IL10RB: variants seen among roughly 807,000 people sequenced by gnomAD.
IL10RB encodes interleukin-10 receptor subunit beta.
In IL10RB, 30 loss-of-function variants were observed where a neutral mutation model predicts 38.7. That is an observed-to-expected ratio of 0.78 (90% CI 0.58 to 1.05). The LOEUF is 1.05. IL10RB is among the 50% of genes least tolerant of loss of function. The probability of loss-of-function intolerance (pLI) is 0.00; values close to 1 mark genes in which losing one functional copy is unlikely to be tolerated. For missense variants in IL10RB, 328 were observed against 397.1 expected (o/e 0.83, Z 1.48); for synonymous variants, 142 against 145.9 (o/e 0.97, Z 0.19).
At chr21:33,284,232 G>T (rs1223404653) in intron 5 of IL10RB, among the ~76,000 whole-genome samples, 2 of 150,966 alleles carry the variant, frequency 1.3e-5, no homozygotes, top group East Asian at 3.9e-4. Flanking sequence ...GGAGGCAGAG[G>T]CTGCAGTGAG....
rs142960564 is a variant in IL10RB, at chr21:33,288,383, A to G, written c.804+122A>G. On this transcript the variant is annotated intron_variant, in intron 6 of 6. Coordinates refer to ENST00000290200, the MANE Select transcript of IL10RB (RefSeq NM_000628.5). Reference sequence around the variant, plus strand: ...CAGGAAAACACACACGCGCGCGCGCACACACACACACACACACACACAGAC... The same window carrying G: ...CAGGAAAACACACACGCGCGCGCGCGCACACACACACACACACACACAGAC... 2,675 of 327,458 alleles carry G rather than the reference A, an allele frequency of 8.2e-3. 4 individuals carry two copies. Among genetic ancestry groups the G allele is most frequent in the Non-Finnish European group, 9.7e-3 (1,701 of 175,988 alleles). The allele number at this position is 327,458 out of a possible 1,614,324, so 20.3% of individuals were successfully genotyped here. A position where few individuals can be genotyped will look rare whatever the true frequency, so the allele number is the denominator to read the frequency against.
chr21:33,280,921 G>A (rs1225649394), intron 4 of IL10RB, among the ~76,000 whole-genome samples: 1 of 152,106 alleles, frequency 6.6e-6, no homozygotes, highest in Non-Finnish European at 1.5e-5. Flanking sequence ...CAGTGTCTTA[G>A]TCCTTTCCTG....
intron 1 of IL10RB, among the ~76,000 whole-genome samples, chr21:33,307,228 G>T (rs2083001022): frequency 6.6e-6 from 1 of 152,172 alleles, no homozygotes; most frequent in Non-Finnish European, 1.5e-5. Context: ...AAGTCCTCCT[G>T]ATTCCTACTT....
At chr21:33,295,357 GAAA>G (rs59137986) in intron 6 of IL10RB, among the ~76,000 whole-genome samples, 6 of 55,868 alleles carry the variant, frequency 1.1e-4, no homozygotes, top group Admixed American at 2.3e-4. Flanking sequence ...GACTCCGTCT[GAAA>G]AAAAAAAAAA....
chr21:33,307,934 A>G (rs2083002753), intron 1 of IL10RB, among the ~76,000 whole-genome samples: 1 of 152,220 alleles, frequency 6.6e-6, no homozygotes, highest in Non-Finnish European at 1.5e-5. Flanking sequence ...CCCTTAGAAC[A>G]GTGCTTGGTG....
At chr21:33,267,510 G>GTTTTTT (rs1292416988) in intron 1 of IL10RB, among the ~76,000 whole-genome samples, 3 of 73,996 alleles carry the variant, frequency 4.1e-5, no homozygotes, top group African/African-American at 4.5e-5. Flanking sequence ...TTGTTTTTTT[G>GTTTTTT]TTTTTTTGTT....
chr21:33,266,920 G>T (rs1024151086), intron 1 of IL10RB, among the ~76,000 whole-genome samples: 4 of 152,030 alleles, frequency 2.6e-5, no homozygotes, highest in African/African-American at 9.7e-5. Flanking sequence ...GTCCCCGAGT[G>T]CCCTGACAGC....
At chr21:33,303,065 A>G (rs73900312) in intron 1 of IL10RB, among the ~76,000 whole-genome samples, 12,634 of 152,174 alleles carry the variant, frequency 0.083, 707 homozygotes, top group African/African-American at 0.15. Context: ...GGCCTTCTTC[A>G]GGCACCTCAA....
At chr21:33,283,842 T>G (rs1050594298) in intron 5 of IL10RB, among the ~76,000 whole-genome samples, 4 of 152,210 alleles carry the variant, frequency 2.6e-5, no homozygotes, top group African/African-American at 9.7e-5. Context: ...CATATTTATG[T>G]GCAGACACAT....
downstream of IL10RB, among the ~76,000 whole-genome samples, chr21:33,300,906 A>C (rs11088249): frequency 6.6e-6 from 1 of 152,020 alleles, no homozygotes; most frequent in African/African-American, 2.4e-5. Flanking sequence ...CTGTTGTTTT[A>C]AACCACCCAG....
chr21:33,283,139 G>A lies in IL10RB; in HGVS notation c.544G>A (p.Glu182Lys). Residue 182 changes from glutamate to lysine, a missense_variant, in exon 5 of 7, where the codon GAG becomes AAG. Physicochemically the swap from Glu to Lys is moderately conservative, Grantham distance 56 (BLOSUM62 1). Coordinates refer to ENST00000290200, the MANE Select transcript of IL10RB (RefSeq NM_000628.5). ...TGACTTTGAGGTCCTCAGAAACCTG[G>A]AGCCATGGACAACTTATTGTGTTCA... is the stretch of plus-strand genomic sequence containing the variant. ...QYDFEVLRNL[E>K]PWTTYCVQVR... is the part of the protein sequence containing the mutation. 6.2e-7 allele frequency: 1 copy of A among 1,613,772 alleles called. No homozygotes were observed. Among genetic ancestry groups the A allele is most frequent in the Non-Finnish European group, 8.5e-7 (1 of 1,179,702 alleles).
At chr21:33,267,656 C>T (rs909055362) in intron 1 of IL10RB, among the ~76,000 whole-genome samples, 2 of 151,842 alleles carry the variant, frequency 1.3e-5, no homozygotes, top group African/African-American at 4.8e-5. Context: ...GCTGGAATTA[C>T]AGGTGTGTGC....
At chr21:33,274,312 A>C (rs1447121604) in intron 2 of IL10RB, among the ~76,000 whole-genome samples, 1 of 151,848 alleles carries the variant, frequency 6.6e-6, no homozygotes, top group Non-Finnish European at 1.5e-5. Flanking sequence ...CAGCTTCCCA[A>C]GTAGTGACAC....
At chr21:33,266,613 A>G in intron 1 of IL10RB, 99 bp downstream of exon 1, 3 of 1,227,250 alleles carry the variant, frequency 2.4e-6, no homozygotes, top group Non-Finnish European at 3.4e-6. Flanking sequence ...GTGACTTAAG[A>G]GCCTTCGGGG....
downstream of IL10RB, among the ~76,000 whole-genome samples, chr21:33,301,218 T>A (rs896211182): frequency 2.0e-5 from 3 of 152,140 alleles, no homozygotes; most frequent in Admixed American, 6.5e-5. Context: ...CAAAGTCTAT[T>A]TTATGAACTA....
chr21:33,297,842 GAAAAAAAAGAA>G (rs1568913802), downstream of IL10RB, among the ~76,000 whole-genome samples: 1 of 147,290 alleles, frequency 6.8e-6, no homozygotes, highest in Non-Finnish European at 1.5e-5. Context: ...AGAAAGGAAA[GAAAAAAAAGAA>G]AAGAAAGAGA....
Position 33,296,498 on chromosome 21 carries a change from A to G in IL10RB, c.*141A>G. The G allele has an allele frequency of 1.2e-6, 1 of 809,528 alleles. No individual in the cohort carries two copies. The highest frequency in any genetic ancestry group is 1.4e-5 in the South Asian group (1 of 69,954). 50.1% of individuals were successfully genotyped at this position (809,528 alleles called of 1,614,324 possible). ...TCTAGAACTCCCAGACCCTGGACTT[A>G]GCCACCAGAGAGCTACATTTTAAAG... On this transcript the variant is annotated 3_prime_UTR_variant, in exon 7 of 7. Transcript: ENST00000290200.
chr21:33,298,539 A>T (rs1420622199), downstream of IL10RB, among the ~76,000 whole-genome samples: 1 of 152,182 alleles, frequency 6.6e-6, no homozygotes, highest in Non-Finnish European at 1.5e-5. Flanking sequence ...ACTTGAACCC[A>T]GGAGGTGGAG....
At chr21:33,307,689 C>G (rs2083002191) in intron 1 of IL10RB, among the ~76,000 whole-genome samples, 1 of 152,220 alleles carries the variant, frequency 6.6e-6, no homozygotes, top group African/African-American at 2.4e-5. Flanking sequence ...TCTATTTACA[C>G]AGCCCTCTCC....
Sources: gnomAD v4.1 joint callset for allele counts (sites outside exome capture counted in the v4.1 genomes callset) on GRCh38, gnomAD v4.1.1 for gene constraint, MANE v1.5 for transcripts, NCBI Gene and HGNC (gene_info 2026-07-23, HGNC 2026-07-21) for gene names.